ESYT3: variants seen among roughly 807,000 people sequenced by gnomAD.
ESYT3 encodes the protein extended synaptotagmin 3, also known as extended synaptotagmin-3.
In ESYT3, 101 loss-of-function variants were observed where a neutral mutation model predicts 111.5. That is an observed-to-expected ratio of 0.91 (90% CI 0.77 to 1.07). The LOEUF (loss-of-function observed/expected upper bound fraction) is 1.07, where lower values mean the gene tolerates loss of function less well. ESYT3 is among the 50% of genes least tolerant of loss of function. ESYT3 has a pLI of 0.00. For synonymous variants in ESYT3, 416 were observed against 446.8 expected (o/e 0.93, Z 0.87); for missense variants, 1,097 against 1,109.4 (o/e 0.99, Z 0.16).
At chr3:138,469,811 C>T (rs2033124859) in intron 15 of ESYT3, among the ~76,000 whole-genome samples, 1 of 152,084 alleles carries the variant, frequency 6.6e-6, no homozygotes, top group Non-Finnish European at 1.5e-5. Context: ...CCTCTCCTCT[C>T]CTGAAGTGAG....
chr3:138,475,334 C>T, intron 20 of ESYT3, among the ~76,000 whole-genome samples: 1 of 152,170 alleles, frequency 6.6e-6, no homozygotes, highest in East Asian at 1.9e-4. Flanking sequence ...AGAGGTTTAA[C>T]ATTTGACTTT....
At chr3:138,458,711 C>T (rs2032441253) in intron 4 of ESYT3, among the ~76,000 whole-genome samples, 1 of 152,208 alleles carries the variant, frequency 6.6e-6, no homozygotes, top group Admixed American at 6.5e-5. Context: ...GCCTTGTTAC[C>T]TTTGCCCACC....
At chr3:138,443,082 C>A (rs749783615) in intron 1 of ESYT3, among the ~76,000 whole-genome samples, 19 of 152,170 alleles carry the variant, frequency 1.2e-4, no homozygotes, top group Non-Finnish European at 2.2e-4. Context: ...CTGCTTTGAG[C>A]CCTTATTCCT....
chr3:138,468,201 G>A lies in ESYT3; in HGVS notation c.1308+7G>A, dbSNP rs1451898385. Reference sequence around the variant, plus strand: ...CCAAGAAGTTCTGACTGAGGTGAGTGTGGGGTGTCAAGGGCTCCCTTGCAG... The same window carrying A: ...CCAAGAAGTTCTGACTGAGGTGAGTATGGGGTGTCAAGGGCTCCCTTGCAG... On this transcript the variant is annotated splice_region_variant and intron_variant, in intron 12 of 22. Coordinates refer to ENST00000389567, the MANE Select transcript of ESYT3 (RefSeq NM_031913.5). 1.1e-5 allele frequency: 18 copies of A among 1,613,900 alleles called. No individual in the cohort carries two copies. The highest frequency in any genetic ancestry group is 1.4e-5 in the Non-Finnish European group (17 of 1,179,906).
intron 5 of ESYT3, 66 bp from the exon 6 acceptor site, chr3:138,459,879 C>T: frequency 2.8e-6 from 4 of 1,442,360 alleles, no homozygotes; most frequent in Non-Finnish European, 3.9e-6. Flanking sequence ...ATGGCCTCAG[C>T]TGAGCCCAGC....
In ESYT3 at chr3:138,478,332, A is replaced by AAGATGC. The variant is rs2033580123; in HGVS notation, c.*1480_*1485dup. The AAGATGC allele has an allele frequency of 6.6e-6, 1 of 152,206 alleles. No homozygotes were observed. The highest frequency in any genetic ancestry group is 1.5e-5 in the Non-Finnish European group (1 of 68,042). 9.4% of individuals were successfully genotyped at this position (152,206 alleles called of 1,614,324 possible). A position where few individuals can be genotyped will look rare whatever the true frequency, so the allele number is the denominator to read the frequency against. On this transcript the variant is annotated 3_prime_UTR_variant, in exon 23 of 23. Coordinates refer to ENST00000389567, the MANE Select transcript of ESYT3 (RefSeq NM_031913.5). ...ATCCAAGACCGTGTTAAGTACATAG[A>AAGATGC]AGATGCATGGTGAAATTCGTTTCTG... is the stretch of plus-strand genomic sequence containing the variant.
intron 20 of ESYT3, among the ~76,000 whole-genome samples, chr3:138,475,830 G>A (rs2033454415): frequency 6.6e-6 from 1 of 152,222 alleles, no homozygotes; most frequent in Non-Finnish European, 1.5e-5. Context: ...TCGGGAGGCT[G>A]AGGCAGAATT....
Position 138,435,053 on chromosome 3 carries a change from C to G in ESYT3, c.255C>G (p.Ala85=), listed in dbSNP as rs778050586. Residue 85 remains alanine, a synonymous_variant, in exon 1 of 23, where the codon GCC becomes GCG. Coordinates refer to ENST00000389567, the MANE Select transcript of ESYT3 (RefSeq NM_031913.5). The surrounding 1 kb of genome is among the most constrained non-coding windows in gnomAD (Gnocchi z 4.8). Reference sequence around the variant, plus strand: ...GCGGGAAGCTTGGGCGCCTGGCCGCCGCCTTCGAATTCCTTGACAATGAAC... The same window carrying G: ...GCGGGAAGCTTGGGCGCCTGGCCGCGGCCTTCGAATTCCTTGACAATGAAC... The part of the protein sequence containing the change: ...NRRGKLGRLA[A]AFEFLDNERE... The G allele has an allele frequency of 1.8e-5, 29 of 1,591,382 alleles. No individual in the cohort carries two copies. The South Asian group carries it at 3.1e-4, about 17-fold the overall frequency.
chr3:138,453,247 C>A (rs994514897), intron 2 of ESYT3, among the ~76,000 whole-genome samples: 6 of 152,178 alleles, frequency 3.9e-5, no homozygotes, highest in Non-Finnish European at 8.8e-5. Context: ...TGCGTTACAT[C>A]TTTCTTTCAG....
chr3:138,439,049 G>A (rs2030943552), intron 1 of ESYT3, among the ~76,000 whole-genome samples: 1 of 152,168 alleles, frequency 6.6e-6, no homozygotes, highest in Non-Finnish European at 1.5e-5. Context: ...GTATAGCACA[G>A]TGACAAGCAC....
rs755232108 is a variant in ESYT3 at position 138,435,153 on chromosome 3, G to GT, written c.327+29dup. On this transcript the variant is annotated intron_variant, in intron 1 of 22. Coordinates refer to ENST00000389567, the MANE Select transcript of ESYT3 (RefSeq NM_031913.5). This position sits in a 1 kb window ranked among gnomAD's most constrained non-coding sequence, Gnocchi z 4.8. ...GAGCCAAGCCGGGTGGGAGTGGGAG[G>GT]TGGGGAGATGCCTTTCGAGGTTCGG... 8 of 1,529,548 alleles carry GT rather than the reference G, an allele frequency of 5.2e-6. No individual in the cohort carries two copies. The highest frequency in any genetic ancestry group is 7.0e-6 in the Non-Finnish European group (8 of 1,137,076). The allele number at this position is 1,529,548 out of a possible 1,614,324, so 94.7% of individuals were successfully genotyped here.
chr3:138,435,138 G>A lies in ESYT3; in HGVS notation c.327+13G>A, dbSNP rs1278713209. ...CCTGCCAGCCTGGGTGAGCCAAGCC[G>A]GGTGGGAGTGGGAGGTGGGGAGATG... On this transcript the variant is annotated intron_variant, in intron 1 of 22. Transcript: ENST00000389567. The surrounding 1 kb of genome is among the most constrained non-coding windows in gnomAD (Gnocchi z 4.8). 2.6e-6 allele frequency: 4 copies of A among 1,556,976 alleles called. No homozygotes were observed. Among genetic ancestry groups the A allele is most frequent in the Non-Finnish European group, 2.6e-6 (3 of 1,152,260 alleles).
rs2033294322 is a variant in ESYT3 at position 138,472,783 on chromosome 3, C to A, written c.2161C>A (p.Leu721Met). 1.9e-6 allele frequency: 3 copies of A among 1,614,124 alleles called. No homozygotes were observed. The highest frequency in any genetic ancestry group is 1.6e-4 in the Middle Eastern group (1 of 6,084). Residue 721 changes from leucine (L) to methionine (M), a missense_variant, in exon 18 of 23, where the codon CTG (leucine) becomes ATG (methionine). Coordinates refer to ENST00000389567, the MANE Select transcript of ESYT3 (RefSeq NM_031913.5). ...CCCATTCGCATGGCCGCCCAAGAGG[C>A]TGGCTCCCAGCATGTCCTCGCTCAA... Reference protein sequence around the residue: ...ASPFAWPPKRLAPSMSSLNSL... With the variant: ...ASPFAWPPKRMAPSMSSLNSL...
At chr3:138,467,715 C>A in intron 11 of ESYT3, 106 bp downstream of exon 11, 1 of 1,061,388 alleles carries the variant, frequency 9.4e-7, no homozygotes, top group Non-Finnish European at 1.4e-6. Context: ...TGTGGTCCCC[C>A]TCTGTGCTAG....
Position 138,435,058 on chromosome 3 carries a change from T to C in ESYT3, c.260T>C (p.Phe87Ser). Residue 87 changes from phenylalanine (F) to serine (S), a missense_variant, in exon 1 of 23, where the codon TTC becomes TCC. Coordinates refer to ENST00000389567, the MANE Select transcript of ESYT3 (RefSeq NM_031913.5). This position sits in a 1 kb window ranked among gnomAD's most constrained non-coding sequence, Gnocchi z 4.8. ...AAGCTTGGGCGCCTGGCCGCCGCCT[T>C]CGAATTCCTTGACAATGAACGCGAG... ...RGKLGRLAAAFEFLDNEREFI... is the reference protein window; with the variant it reads ...RGKLGRLAAASEFLDNEREFI... 1 of 1,593,404 alleles carries C rather than the reference T, an allele frequency of 6.3e-7. No homozygotes were observed. The highest frequency in any genetic ancestry group is 8.5e-7 in the Non-Finnish European group (1 of 1,172,174).
intron 1 of ESYT3, among the ~76,000 whole-genome samples, chr3:138,448,266 TAAAAAAAAAAAA>T (rs71146126): frequency 4.5e-5 from 2 of 44,592 alleles, no homozygotes; most frequent in Non-Finnish European, 7.9e-5. Flanking sequence ...AAACTCGATC[TAAAAAAAAAAAA>T]AAAAAAAAAA....
rs2031078375 is a variant in ESYT3, at chr3:138,440,701, G to T, written c.327+5576G>T. Reference sequence around the variant, plus strand: ...TTTTAGTCATGCCTTTGGGGTTTCTGCCCCATGTCTTAATGATGGTTCATG... The same window carrying T: ...TTTTAGTCATGCCTTTGGGGTTTCTTCCCCATGTCTTAATGATGGTTCATG... On this transcript the variant is annotated intron_variant, in intron 1 of 22. Coordinates refer to ENST00000389567, the MANE Select transcript of ESYT3 (RefSeq NM_031913.5). The surrounding 1 kb of genome is among the most constrained non-coding windows in gnomAD (Gnocchi z 4.2). 6.6e-6 allele frequency among the ~76,000 whole-genome samples: 1 copy of T among 152,198 alleles called. No individual in the cohort carries two copies. The highest frequency in any genetic ancestry group is 1.5e-5 in the Non-Finnish European group (1 of 68,036).
intron 16 of ESYT3, 135 bp downstream of exon 16, chr3:138,470,281 C>A: frequency 1.5e-6 from 2 of 1,378,126 alleles, no homozygotes; most frequent in Non-Finnish European, 9.5e-7. Context: ...AGAGAGGACA[C>A]TGAGGCCCCA....
intron 5 of ESYT3, 46 bp from the exon 6 acceptor site, chr3:138,459,899 G>A: frequency 6.4e-7 from 1 of 1,560,120 alleles, no homozygotes; most frequent in South Asian, 1.1e-5. Context: ...CAGGCATGGG[G>A]AGAAAGTAGG....
Sources: allele counts gnomAD v4.1 joint callset (sites outside exome capture counted in the v4.1 genomes callset), GRCh38; gene constraint gnomAD v4.1.1; non-coding constraint Gnocchi (gnomAD v3.1); transcripts MANE v1.5; gene names NCBI Gene and HGNC (gene_info 2026-07-23, HGNC 2026-07-21).